Variants in AGBL1 observed in about 807,000 individuals in gnomAD.
AGBL1 encodes cytosolic carboxypeptidase 4.
A neutral mutation model predicts 118.9 loss-of-function variants in AGBL1; 130 were observed. The observed-to-expected ratio is 1.09, with a 90% confidence interval of 0.95 to 1.26. AGBL1 has a LOEUF of 1.26. Ranked by LOEUF, AGBL1 falls within the 50% of genes most tolerant of loss-of-function variation. AGBL1 has a pLI of 0.00. For synonymous variants in AGBL1, 555 were observed against 478.9 expected (o/e 1.16, Z -2.08); for missense variants, 1,584 against 1,298.1 (o/e 1.22, Z -3.38).
At chr15:86,378,019 G>T (rs1000143382) in intron 17 of AGBL1, among the ~76,000 whole-genome samples, 1 of 152,152 alleles carries the variant, frequency 6.6e-6, no homozygotes, top group African/African-American at 2.4e-5. Context: ...TTAAGTCCTG[G>T]TGTAACATCC....
intron 16 of AGBL1, among the ~76,000 whole-genome samples, chr15:86,289,463 TC>T (rs1241435439): frequency 6.6e-6 from 1 of 152,210 alleles, no homozygotes; most frequent in Non-Finnish European, 1.5e-5. Flanking sequence ...CAGATGCTCT[TC>T]ACATACATTA....
intron 3 of AGBL1, among the ~76,000 whole-genome samples, chr15:86,146,456 C>G (rs2077034904): frequency 1.3e-5 from 2 of 152,136 alleles, no homozygotes; most frequent in South Asian, 4.1e-4. Context: ...TGTGGGAATC[C>G]TGGAACCAAT....
chr15:86,547,516 A>C (rs374578455), intron 20 of AGBL1, among the ~76,000 whole-genome samples: 145 of 152,274 alleles, frequency 9.5e-4, no homozygotes, highest in African/African-American at 3.3e-3. Context: ...ATGGGTTCTT[A>C]TCAACTGTAT....
At chr15:86,604,329 A>T (rs561802563) in intron 21 of AGBL1, among the ~76,000 whole-genome samples, 3 of 152,324 alleles carry the variant, frequency 2.0e-5, no homozygotes, top group Admixed American at 6.5e-5. Context: ...TATTATAATT[A>T]TTTATCATGA....
intron 16 of AGBL1, among the ~76,000 whole-genome samples, chr15:86,286,858 G>T (rs1454222476): frequency 6.6e-6 from 1 of 151,470 alleles, no homozygotes; most frequent in East Asian, 1.9e-4. Context: ...ACTGATTTCA[G>T]TTCCTTTGGA....
chr15:86,967,503 T>G (rs561280041), intron 23 of AGBL1, among the ~76,000 whole-genome samples: 3 of 152,268 alleles, frequency 2.0e-5, no homozygotes, highest in Admixed American at 6.5e-5. Context: ...AATTTTTGTA[T>G]AAGGTGTAAG....
chr15:86,957,860 C>T (rs1025995912), intron 23 of AGBL1, among the ~76,000 whole-genome samples: 17 of 151,774 alleles, frequency 1.1e-4, no homozygotes, highest in African/African-American at 3.9e-4. Flanking sequence ...CTCTAAAATT[C>T]GTATGGAATA....
chr15:86,557,321 G>T (rs761870228), intron 21 of AGBL1, among the ~76,000 whole-genome samples: 6 of 152,150 alleles, frequency 3.9e-5, no homozygotes, highest in Non-Finnish European at 7.3e-5. Context: ...TTCACACTGA[G>T]TGTTTGTGAC....
At chr15:86,170,769 C>CTCAGGAGGCTGAGGCAGGAGAATTGCTTG (rs2077402669) in intron 5 of AGBL1, among the ~76,000 whole-genome samples, 1 of 151,844 alleles carries the variant, frequency 6.6e-6, no homozygotes, top group Non-Finnish European at 1.5e-5. Context: ...TTGCTTGAAC[C>CTCAGGAGGCTGAGGCAGGAGAATTGCTTG]AGGTGGATGA....
intron 17 of AGBL1, among the ~76,000 whole-genome samples, chr15:86,366,494 T>C (rs183852532): frequency 6.6e-6 from 1 of 152,308 alleles, no homozygotes; most frequent in African/African-American, 2.4e-5. Flanking sequence ...TACCAGCAAG[T>C]GGTAAAGCCA....
intron 22 of AGBL1, among the ~76,000 whole-genome samples, chr15:86,696,166 C>T (rs1342856802): frequency 2.6e-5 from 4 of 151,898 alleles, no homozygotes; most frequent in Admixed American, 6.6e-5. Flanking sequence ...CTGCCTAGTG[C>T]TGTCAGTGGA....
At chr15:86,854,383 A>G (rs1321718203) in intron 22 of AGBL1, among the ~76,000 whole-genome samples, 1 of 152,138 alleles carries the variant, frequency 6.6e-6, no homozygotes, top group Non-Finnish European at 1.5e-5. Context: ...TTTCAGCAGA[A>G]GAACACAAAC....
At chr15:86,280,912 T>A (rs553656804) in intron 16 of AGBL1, among the ~76,000 whole-genome samples, 1 of 152,328 alleles carries the variant, frequency 6.6e-6, no homozygotes, top group Non-Finnish European at 1.5e-5. Flanking sequence ...ATTATTTGTG[T>A]ATCACACTTA....
chr15:86,839,346 A>G (rs951770474), intron 22 of AGBL1, among the ~76,000 whole-genome samples: 2 of 152,190 alleles, frequency 1.3e-5, no homozygotes, highest in South Asian at 2.1e-4. Context: ...ACAAGCAACT[A>G]TTTCATCAAA....
intron 22 of AGBL1, among the ~76,000 whole-genome samples, chr15:86,793,685 C>A (rs1267530107): frequency 6.6e-6 from 1 of 152,140 alleles, no homozygotes; most frequent in African/African-American, 2.4e-5. Flanking sequence ...AGACAACTCA[C>A]AAAATGGAAG....
At chr15:86,518,030 C>T (rs1316174456) in intron 18 of AGBL1, among the ~76,000 whole-genome samples, 1 of 152,240 alleles carries the variant, frequency 6.6e-6, no homozygotes, top group Non-Finnish European at 1.5e-5. Flanking sequence ...GGCTCCAGAG[C>T]TTGCTGTGCT....
chr15:86,881,500 C>G (rs2079891344), intron 22 of AGBL1, among the ~76,000 whole-genome samples: 1 of 152,150 alleles, frequency 6.6e-6, no homozygotes, highest in Non-Finnish European at 1.5e-5. Flanking sequence ...AAATTGCTAG[C>G]TTGGTTTCTT....
In AGBL1 at chr15:86,568,220, TTGAACA is replaced by T. The variant is rs556795450; in HGVS notation, c.2994+13684_2994+13689del. 1.3e-4 allele frequency among the ~76,000 whole-genome samples: 20 copies of T among 152,322 alleles called. No individual in the cohort carries two copies. In the South Asian group the frequency reaches 4.2e-3, roughly 32 times the overall value. The stretch of plus-strand genomic sequence containing the variant: ...GTCAGGGTATTTTAAATCAGTATCT[TTGAACA>T]GTCTTCGTATGTGGACTTTCAAGAG... On this transcript the variant is annotated intron_variant, in intron 21 of 22. Transcript: ENST00000614907.
At chr15:86,346,571 G>T (rs538883887) in intron 17 of AGBL1, among the ~76,000 whole-genome samples, 1 of 151,742 alleles carries the variant, frequency 6.6e-6, no homozygotes, top group Non-Finnish European at 1.5e-5. Flanking sequence ...GGATGGTCTC[G>T]ATCTCCTGAC....
Sources: allele counts gnomAD v4.1 joint callset (sites outside exome capture counted in the v4.1 genomes callset), GRCh38; gene constraint gnomAD v4.1.1; transcripts MANE v1.5; gene names NCBI Gene and HGNC (gene_info 2026-07-23, HGNC 2026-07-21).